The following ARFGEF1 variants were observed in gnomAD, a reference collection of about 807,000 sequenced individuals.
ARFGEF1 encodes the protein brefeldin A-inhibited guanine nucleotide-exchange protein 1.
Under a neutral mutation model 231.0 loss-of-function variants are expected in ARFGEF1, and 42 were observed. The ratio of observed to expected loss-of-function variants is 0.18; its 90% CI spans 0.14 to 0.24. ARFGEF1 has a LOEUF of 0.24. Among genes scored for constraint, ARFGEF1 ranks in the 10% least tolerant of loss-of-function variants. The pLI is 1.00. For synonymous variants in ARFGEF1, 710 were observed against 732.3 expected, an observed-to-expected ratio of 0.97 and a Z score of 0.49; for missense variants, 1,345 against 2,192.0, an observed-to-expected ratio of 0.61 and a Z score of 7.72.
At chr8:67,218,809 T>G (rs1839046073) in intron 30 of ARFGEF1, among the ~76,000 whole-genome samples, 1 of 152,096 alleles carries the variant, frequency 6.6e-6, no homozygotes, top group Non-Finnish European at 1.5e-5. Context: ...TATTCTTTAC[T>G]CAATATAAAA....
chr8:67,305,001 T>C (rs890130057), intron 1 of ARFGEF1, among the ~76,000 whole-genome samples: 1 of 152,120 alleles, frequency 6.6e-6, no homozygotes, highest in African/African-American at 2.4e-5. Context: ...GAAGAGGAGC[T>C]GGCAGTTTTT....
intron 9 of ARFGEF1, among the ~76,000 whole-genome samples, chr8:67,272,436 G>T (rs1439266618): frequency 6.6e-6 from 1 of 151,712 alleles, no homozygotes; most frequent in Admixed American, 6.6e-5. Flanking sequence ...AAAGTGCTGG[G>T]ATTACAGGCA....
intron 18 of ARFGEF1, among the ~76,000 whole-genome samples, chr8:67,252,629 T>C (rs1290035008): frequency 1.3e-5 from 2 of 152,216 alleles, no homozygotes; most frequent in African/African-American, 4.8e-5. Flanking sequence ...TACTGTTATA[T>C]TCTTGAGCCA....
chr8:67,239,972 GAT>G (rs1839881592), intron 20 of ARFGEF1, among the ~76,000 whole-genome samples, 188 bp downstream of exon 20: 8 of 152,184 alleles, frequency 5.3e-5, no homozygotes, highest in Admixed American at 2.0e-4. Flanking sequence ...AACTTAGACA[GAT>G]CAGTATAGAA....
chr8:67,333,984 A>G (rs1240120572), intron 1 of ARFGEF1, among the ~76,000 whole-genome samples: 1 of 151,922 alleles, frequency 6.6e-6, no homozygotes, highest in Non-Finnish European at 1.5e-5. Flanking sequence ...TAAAAATACA[A>G]AATTAGCTGA....
rs529729553 is a variant in ARFGEF1, at chr8:67,343,442, G to A, written c.-155C>T. 660 of 1,377,214 alleles carry A rather than the reference G, an allele frequency of 4.8e-4. 2 individuals are homozygous for A. Among genetic ancestry groups the A allele is most frequent in the Middle Eastern group, 4.3e-3 (16 of 3,752 alleles). The allele number at this position is 1,377,214 out of a possible 1,614,324, so 85.3% of individuals were successfully genotyped here. A position where few individuals can be genotyped will look rare whatever the true frequency, so the allele number is the denominator to read the frequency against. Reference sequence around the variant, plus strand: ...GCAGCGGCAGGATCAGGAAGGGGCGGGCGAGCGGGACCAGCCGCGGTGTCG... The same window carrying A: ...GCAGCGGCAGGATCAGGAAGGGGCGAGCGAGCGGGACCAGCCGCGGTGTCG... On this transcript the variant is annotated 5_prime_UTR_variant, in exon 1 of 39. Coordinates refer to ENST00000262215, the MANE Select transcript of ARFGEF1 (RefSeq NM_006421.5).
At chr8:67,318,140 T>A (rs1403698488) in intron 1 of ARFGEF1, among the ~76,000 whole-genome samples, 1 of 147,396 alleles carries the variant, frequency 6.8e-6, no homozygotes. Flanking sequence ...GGGAGGCTGA[T>A]GCAGGAGAAT....
At chr8:67,214,287 CTTG>C (rs1277437064) in intron 33 of ARFGEF1, among the ~76,000 whole-genome samples, 1 of 152,116 alleles carries the variant, frequency 6.6e-6, no homozygotes, top group Non-Finnish European at 1.5e-5. Context: ...ATAGGTGATC[CTTG>C]TTGTAAAGTG....
At chr8:67,180,025 A>G in intron 5 of ARFGEF1, 1 of 333,882 alleles carries the variant, frequency 3.0e-6, no homozygotes, top group Non-Finnish European at 5.4e-6. Flanking sequence ...CAAGGTAGTA[A>G]AAAAAAAAAA....
At chr8:67,258,329 CTTTT>C (rs113171041) in intron 15 of ARFGEF1, 39 bp from the exon 16 acceptor site, 33 of 1,127,444 alleles carry the variant, frequency 2.9e-5, no homozygotes, top group Admixed American at 7.4e-5. Context: ...TATTTTCTTT[CTTTT>C]TTTTTTTTTT....
intron 19 of ARFGEF1, among the ~76,000 whole-genome samples, chr8:67,245,549 A>C (rs534115682): frequency 3.3e-5 from 5 of 150,562 alleles, no homozygotes; most frequent in African/African-American, 1.2e-4. Context: ...ATGGGTTATA[A>C]GATAGTACTT....
intron 33 of ARFGEF1, among the ~76,000 whole-genome samples, chr8:67,214,312 G>C (rs2129577974): frequency 6.6e-6 from 1 of 152,298 alleles, no homozygotes; most frequent in South Asian, 2.1e-4. Context: ...CAGAAAGCTT[G>C]GCTGAATTGT....
intron 5 of ARFGEF1, among the ~76,000 whole-genome samples, chr8:67,182,366 G>C (rs1051758720): frequency 6.6e-6 from 1 of 151,606 alleles, no homozygotes; most frequent in Admixed American, 6.6e-5. Context: ...TGTGTACCAC[G>C]TTTTGTTTAT....
rs779355989 is a variant in ARFGEF1, at chr8:67,219,474, A to G, written c.4295T>C (p.Phe1432Ser). Reference protein sequence around the residue: ...HWWQDLFRIVFRIFDNMKLPE... With the variant: ...HWWQDLFRIVSRIFDNMKLPE... ...CAATTTCATATTGTCAAAGATTCTGAAAACAATTCTAAATAAATCCTGCCA... is the reference window on the plus strand; with the variant it reads ...CAATTTCATATTGTCAAAGATTCTGGAAACAATTCTAAATAAATCCTGCCA... The change falls in exon 30 of 39, where the codon TTC becomes TCC. Residue 1432 changes from phenylalanine (F) to serine (S), a missense_variant. By Grantham distance (155) the Phe-to-Ser change is radical. Around this residue, in one of 14 missense-constraint regions of ARFGEF1, gnomAD observed 18 missense variants for 63.5 expected, o/e 0.28. Coordinates refer to ENST00000262215, the MANE Select transcript of ARFGEF1 (RefSeq NM_006421.5). The G allele has an allele frequency of 3.1e-6, 5 of 1,612,312 alleles. No homozygotes were observed. Among genetic ancestry groups the G allele is most frequent in the Non-Finnish European group, 4.2e-6 (5 of 1,179,314 alleles).
chr8:67,343,413 G>T lies in ARFGEF1; in HGVS notation c.-126C>A. The T allele has an allele frequency of 6.9e-7, 1 of 1,441,208 alleles. No homozygotes were observed. The allele number at this position is 1,441,208 out of a possible 1,614,324, so 89.3% of individuals were successfully genotyped here. On this transcript the variant is annotated 5_prime_UTR_variant, in exon 1 of 39. Coordinates refer to ENST00000262215, the MANE Select transcript of ARFGEF1 (RefSeq NM_006421.5). ...GTGGAGGTGGGGGATTGGAGGCGTG[G>T]AGGGCAGCGGCAGGATCAGGAAGGG...
intron 4 of ARFGEF1, among the ~76,000 whole-genome samples, chr8:67,298,405 A>G (rs1806332688): frequency 6.6e-6 from 1 of 152,184 alleles, no homozygotes; most frequent in Non-Finnish European, 1.5e-5. Flanking sequence ...CAAACTCAGA[A>G]CAGGGTTTTG....
chr8:67,257,982 C>G (rs897067841), intron 16 of ARFGEF1, 103 bp downstream of exon 16: 3 of 1,230,422 alleles, frequency 2.4e-6, no homozygotes, highest in Admixed American at 4.6e-5. Context: ...TCTAAATTCT[C>G]TAAACAGGGG....
At chr8:67,231,489 C>G (rs1028838072) in intron 23 of ARFGEF1, among the ~76,000 whole-genome samples, 6 of 151,926 alleles carry the variant, frequency 3.9e-5, no homozygotes, top group African/African-American at 1.5e-4. Context: ...CTGTAACAAA[C>G]AGTGGATAGG....
At chr8:67,299,461 T>C (rs886124367) in intron 3 of ARFGEF1, 106 bp from the exon 4 acceptor site, 1 of 901,220 alleles carries the variant, frequency 1.1e-6, no homozygotes, top group Non-Finnish European at 1.6e-6. Context: ...ATACATAAAA[T>C]TTTTACACAA....
Sources: allele counts gnomAD v4.1 joint callset (sites outside exome capture counted in the v4.1 genomes callset), GRCh38; gene constraint gnomAD v4.1.1; regional missense constraint gnomAD v4.1.1; transcripts MANE v1.5; gene names NCBI Gene and HGNC (gene_info 2026-07-23, HGNC 2026-07-21).